The following ZRANB3 variants were observed in gnomAD, a reference collection of about 807,000 sequenced individuals.
The protein encoded by ZRANB3 is zinc finger RANBP2-type containing 3.
A neutral mutation model predicts 133.8 loss-of-function variants in ZRANB3; 125 were observed. The observed-to-expected ratio is 0.93, with a 90% CI of 0.81 to 1.08. The LOEUF is 1.08. Ranked by LOEUF, ZRANB3 falls within the 50% of genes least tolerant of loss-of-function variation. The pLI is 0.00. For synonymous variants in ZRANB3, 387 were observed against 432.7 expected (o/e 0.89, Z 1.31); for missense variants, 1,229 against 1,275.5 (o/e 0.96, Z 0.56).
intron 1 of ZRANB3, among the ~76,000 whole-genome samples, chr2:135,524,004 T>C (rs1694048331): frequency 6.6e-6 from 1 of 152,200 alleles, no homozygotes; most frequent in Non-Finnish European, 1.5e-5. Flanking sequence ...ACCTACAAAA[T>C]ACAAGTATCT....
chr2:135,262,928 G>A (rs1426687439), intron 12 of ZRANB3, among the ~76,000 whole-genome samples: 3 of 151,800 alleles, frequency 2.0e-5, no homozygotes, highest in African/African-American at 7.3e-5. Flanking sequence ...GCATTTGTTA[G>A]AGGTGAGACT....
chr2:135,267,924 C>T (rs1035900303), intron 11 of ZRANB3, among the ~76,000 whole-genome samples: 1 of 151,934 alleles, frequency 6.6e-6, no homozygotes. Flanking sequence ...TGGGCTTAGT[C>T]CCCTATAAAA....
At chr2:135,254,838 C>T (rs1252652187) in intron 12 of ZRANB3, among the ~76,000 whole-genome samples, 2 of 151,952 alleles carry the variant, frequency 1.3e-5, no homozygotes, top group Non-Finnish European at 2.9e-5. Flanking sequence ...GCAACCTCCA[C>T]CTCCCGGGTT....
intron 2 of ZRANB3, among the ~76,000 whole-genome samples, chr2:135,465,443 T>C (rs1375029042): frequency 1.3e-5 from 2 of 152,238 alleles, no homozygotes; most frequent in Non-Finnish European, 2.9e-5. Flanking sequence ...ATTTTGTCAT[T>C]ATCTTACCCA....
Position 135,353,507 on chromosome 2 carries a change from C to T in ZRANB3, c.302G>A (p.Trp101Ter). 1 of 1,609,638 alleles carries T rather than the reference C, an allele frequency of 6.2e-7. No individual in the cohort carries two copies. Among genetic ancestry groups the T allele is most frequent in the Non-Finnish European group, 8.5e-7 (1 of 1,177,470 alleles). ...TTCTTCTGGACTTAGCTCTGGGATC[C>T]ATTTTTCAATTTCTTCTGTCCAAGG... Reference protein sequence around the residue: ...RYPWTEEIEKWIPELSPEEIN... With the variant: ...RYPWTEEIEK Residue 101 changes from tryptophan (W) to a stop codon, truncating the protein, a stop_gained, in exon 4 of 21, where the codon TGG becomes TAG. Transcript: ENST00000264159. LOFTEE classifies it high-confidence loss of function.
intron 2 of ZRANB3, among the ~76,000 whole-genome samples, chr2:135,465,944 A>G (rs545203853): frequency 6.6e-6 from 1 of 152,378 alleles, no homozygotes; most frequent in Non-Finnish European, 1.5e-5. Flanking sequence ...TTGAAACAAA[A>G]TAACAAAATA....
intron 3 of ZRANB3, among the ~76,000 whole-genome samples, chr2:135,384,343 C>T (rs1686863169): frequency 6.6e-6 from 1 of 152,040 alleles, no homozygotes. Context: ...GAAATTGAGG[C>T]AATAATTAAT....
Position 135,520,388 on chromosome 2 carries a change from C to G in ZRANB3, c.-8+10739G>C, listed in dbSNP as rs181437363. ...CCAGCCTGGGTGACAGAGTAAGACT[C>G]CACCTCAAAGAGAAAAAAGGATTTC... On this transcript the variant is annotated intron_variant, in intron 1 of 20. Coordinates refer to ENST00000264159, the MANE Select transcript of ZRANB3 (RefSeq NM_032143.4). Among the ~76,000 whole-genome samples the G allele has an allele frequency of 4.6e-5, 7 of 151,050 alleles. No homozygotes were observed. In the East Asian group the frequency reaches 1.4e-3, roughly 29 times the overall value.
At chr2:135,277,907 A>G (rs958817379) in intron 8 of ZRANB3, among the ~76,000 whole-genome samples, 13 of 150,540 alleles carry the variant, frequency 8.6e-5, no homozygotes, top group African/African-American at 2.7e-4. Context: ...CCTGGGCAAC[A>G]GTGAGACTCT....
At chr2:135,260,012 G>C (rs935316356) in intron 12 of ZRANB3, among the ~76,000 whole-genome samples, 2 of 152,196 alleles carry the variant, frequency 1.3e-5, no homozygotes, top group African/African-American at 4.8e-5. Context: ...GCTAGAGGAA[G>C]AGATACTTGT....
intron 19 of ZRANB3, 129 bp from the exon 20 acceptor site, chr2:135,203,092 TA>T: frequency 9.2e-7 from 1 of 1,086,034 alleles, no homozygotes; most frequent in African/African-American, 1.6e-5. Flanking sequence ...GAGAGCTTTT[TA>T]TAGCTTTTAT....
chr2:135,497,945 C>G (rs1221411932), intron 2 of ZRANB3, among the ~76,000 whole-genome samples: 1 of 151,840 alleles, frequency 6.6e-6, no homozygotes, highest in African/African-American at 2.4e-5. Flanking sequence ...CCCAGCTACT[C>G]AGGAGGCTGA....
chr2:135,368,018 G>C (rs1454570901), intron 3 of ZRANB3, among the ~76,000 whole-genome samples: 1 of 151,918 alleles, frequency 6.6e-6, no homozygotes, highest in African/African-American at 2.4e-5. Flanking sequence ...TCTATACATA[G>C]AATATACTCA....
chr2:135,328,464 G>C (rs1261939163), intron 6 of ZRANB3, among the ~76,000 whole-genome samples: 1 of 152,072 alleles, frequency 6.6e-6, no homozygotes, highest in Non-Finnish European at 1.5e-5. Flanking sequence ...GTCTATCATT[G>C]ATGGACATTT....
chr2:135,392,355 A>ATG (rs764736324), intron 2 of ZRANB3, among the ~76,000 whole-genome samples: 1 of 81,974 alleles, frequency 1.2e-5, no homozygotes, highest in Non-Finnish European at 2.6e-5. Flanking sequence ...AAAAAAAAAA[A>ATG]GGGGGGGGGG....
intron 3 of ZRANB3, among the ~76,000 whole-genome samples, chr2:135,382,367 T>C (rs958012903): frequency 2.0e-5 from 3 of 152,288 alleles, no homozygotes; most frequent in African/African-American, 4.8e-5. Flanking sequence ...CTATGTCTGA[T>C]TGGTGTACCT....
chr2:135,288,119 T>C (rs997756760), intron 8 of ZRANB3, among the ~76,000 whole-genome samples: 2 of 152,126 alleles, frequency 1.3e-5, no homozygotes, highest in African/African-American at 4.8e-5. Flanking sequence ...TCTATGATGA[T>C]TTGCTGAGGG....
At chr2:135,493,505 C>G (rs940846658) in intron 2 of ZRANB3, among the ~76,000 whole-genome samples, 1 of 151,762 alleles carries the variant, frequency 6.6e-6, no homozygotes, top group African/African-American at 2.4e-5. Context: ...TACAATGTAT[C>G]TATTATATGT....
At chr2:135,503,642 A>T (rs1374305777) in intron 2 of ZRANB3, among the ~76,000 whole-genome samples, 1 of 152,146 alleles carries the variant, frequency 6.6e-6, no homozygotes, top group East Asian at 1.9e-4. Flanking sequence ...GAAGTTGCTA[A>T]ATCTAAGGTG....
Sources: allele counts gnomAD v4.1 joint callset (sites outside exome capture counted in the v4.1 genomes callset), GRCh38; gene constraint gnomAD v4.1.1; transcripts MANE v1.5; gene names NCBI Gene and HGNC (gene_info 2026-07-23, HGNC 2026-07-21).